PDE8B: variants seen among roughly 807,000 people sequenced by gnomAD.
PDE8B encodes the protein phosphodiesterase 8B.
In PDE8B, 26 loss-of-function variants were observed where a neutral mutation model predicts 101.3. That is an observed-to-expected ratio of 0.26 (90% CI 0.19 to 0.36). The LOEUF (loss-of-function observed/expected upper bound fraction) is 0.36, where lower values mean the gene tolerates loss of function less well. PDE8B is among the 10% of genes least tolerant of loss of function. PDE8B has a pLI of 1.00. For missense variants in PDE8B, 810 were observed against 1,163.1 expected, an observed-to-expected ratio of 0.70 and a Z score of 4.42; for synonymous variants, 424 against 429.3, an observed-to-expected ratio of 0.99 and a Z score of 0.15.
the PDE8B span, among the ~76,000 whole-genome samples, chr5:77,156,377 C>T: frequency 1.3e-5 from 2 of 152,292 alleles, no homozygotes; most frequent in African/African-American, 4.8e-5. Flanking sequence ...CTTGTTTATT[C>T]TTCAGTGCTG....
intron 10 of PDE8B, among the ~76,000 whole-genome samples, chr5:77,372,925 G>A (rs1040064047): frequency 6.6e-6 from 1 of 152,136 alleles, no homozygotes; most frequent in African/African-American, 2.4e-5. Context: ...CTACTCAAGA[G>A]GCTGAGGCAG....
intron 2 of PDE8B, among the ~76,000 whole-genome samples, chr5:77,323,959 C>CAAAA (rs1453943230): frequency 6.6e-6 from 1 of 151,976 alleles, no homozygotes; most frequent in Non-Finnish European, 1.5e-5. Context: ...GACTCCATCT[C>CAAAA]AAAAACAAAC....
intron 7 of PDE8B, among the ~76,000 whole-genome samples, chr5:77,348,969 G>A (rs543704844): frequency 6.6e-6 from 1 of 152,336 alleles, no homozygotes; most frequent in African/African-American, 2.4e-5. Context: ...TTACAGGCAT[G>A]AGCCACTGTG....
intron 3 of PDE8B, among the ~76,000 whole-genome samples, chr5:77,327,005 T>C (rs1463977123): frequency 6.6e-6 from 1 of 152,254 alleles, no homozygotes; most frequent in African/African-American, 2.4e-5. Flanking sequence ...AATATATTTC[T>C]GTGTTAGCTG....
At chr5:77,300,004 T>C (rs1347951712) in intron 1 of PDE8B, among the ~76,000 whole-genome samples, 2 of 152,144 alleles carry the variant, frequency 1.3e-5, no homozygotes, top group Non-Finnish European at 2.9e-5. Context: ...CAGTGCCTGA[T>C]CAAAGACACA....
In PDE8B at chr5:77,325,481, T is replaced by C. The variant is rs1283062392; in HGVS notation, c.400-58T>C. On this transcript the variant is annotated intron_variant, in intron 2 of 21. Coordinates refer to ENST00000264917, the MANE Select transcript of PDE8B (RefSeq NM_003719.5). ...ACTGCGCCTGGCCACTAGGCTTGTT[T>C]TTAATAGTCTCTATGGATGATGATT... is the stretch of plus-strand genomic sequence containing the variant. The C allele has an allele frequency of 2.6e-6, 4 of 1,533,498 alleles. No homozygotes were observed. In the Admixed American group the frequency reaches 6.7e-5, roughly 26 times the overall value. The allele number at this position is 1,533,498 out of a possible 1,614,324, so 95.0% of individuals were successfully genotyped here.
At chr5:77,154,230 A>G in the PDE8B span, among the ~76,000 whole-genome samples, 7 of 152,182 alleles carry the variant, frequency 4.6e-5, no homozygotes, top group African/African-American at 7.2e-5. Context: ...TGCTTTTCTC[A>G]TATGGCTGAT....
intron 1 of PDE8B, among the ~76,000 whole-genome samples, chr5:77,267,172 G>A (rs1411880298): frequency 2.0e-5 from 3 of 152,134 alleles, no homozygotes; most frequent in Non-Finnish European, 4.4e-5. Flanking sequence ...AGGCATGGTG[G>A]CTCACGCCTG....
At chr5:77,270,931 T>G (rs1762642002) in intron 1 of PDE8B, among the ~76,000 whole-genome samples, 1 of 152,094 alleles carries the variant, frequency 6.6e-6, no homozygotes, top group African/African-American at 2.4e-5. Context: ...CCCTTTCCAG[T>G]GTAGATCCTA....
intron 10 of PDE8B, among the ~76,000 whole-genome samples, chr5:77,362,241 G>T (rs1025248349): frequency 6.6e-6 from 1 of 152,130 alleles, no homozygotes; most frequent in African/African-American, 2.4e-5. Flanking sequence ...CTGATTGTTT[G>T]ATTTTCTGGA....
chr5:77,228,170 T>C (rs1486340332), intron 1 of PDE8B, among the ~76,000 whole-genome samples: 2 of 152,222 alleles, frequency 1.3e-5, no homozygotes, highest in Non-Finnish European at 2.9e-5. Context: ...CTTTAGCTCC[T>C]TGTTGACTGT....
intron 1 of PDE8B, among the ~76,000 whole-genome samples, chr5:77,260,157 C>CAAAAAAAAAAAA (rs66923234): frequency 2.0e-5 from 2 of 100,972 alleles, no homozygotes; most frequent in Non-Finnish European, 4.0e-5. Flanking sequence ...AACTCCATCA[C>CAAAAAAAAAAAA]AAAAAAAAAA....
At chr5:77,310,723 A>G (rs903662624) in intron 1 of PDE8B, among the ~76,000 whole-genome samples, 8 of 152,234 alleles carry the variant, frequency 5.3e-5, no homozygotes, top group Admixed American at 2.0e-4. Flanking sequence ...TCAGATGAGC[A>G]GTCATTAGAG....
the PDE8B span, among the ~76,000 whole-genome samples, chr5:77,183,311 G>A: frequency 6.6e-6 from 1 of 151,968 alleles, no homozygotes; most frequent in South Asian, 2.1e-4. Context: ...GTAGAGACAG[G>A]GTTTCACCAT....
At chr5:77,116,220 A>ATTT in the PDE8B span, among the ~76,000 whole-genome samples, 4 of 75,904 alleles carry the variant, frequency 5.3e-5, no homozygotes, top group African/African-American at 2.2e-4. Flanking sequence ...ATATATATAT[A>ATTT]TATATTTTTT....
chr5:77,299,001 A>G (rs1164204511), intron 1 of PDE8B, among the ~76,000 whole-genome samples: 2 of 152,350 alleles, frequency 1.3e-5, no homozygotes, highest in Admixed American at 6.5e-5. Context: ...TTAAATCACT[A>G]AACTTGTTTC....
chr5:77,335,668 C>T (rs537187088), intron 5 of PDE8B, among the ~76,000 whole-genome samples: 8 of 152,156 alleles, frequency 5.3e-5, no homozygotes, highest in African/African-American at 1.9e-4. Flanking sequence ...CTAGTATTCT[C>T]CTCCTCCACT....
intron 10 of PDE8B, among the ~76,000 whole-genome samples, chr5:77,389,778 A>AT (rs961563962): frequency 1.1e-4 from 16 of 151,720 alleles, no homozygotes; most frequent in Admixed American, 4.6e-4. Flanking sequence ...TCACTGTATC[A>AT]TTTTTTTTCC....
At chr5:77,147,069 A>G in the PDE8B span, 1 of 415,198 alleles carries the variant, frequency 2.4e-6, no homozygotes, top group Non-Finnish European at 4.6e-6. Flanking sequence ...AGCTAAAGGA[A>G]AGCCTGATGC....
Sources: gnomAD v4.1 joint callset for allele counts (sites outside exome capture counted in the v4.1 genomes callset) on GRCh38, gnomAD v4.1.1 for gene constraint, MANE v1.5 for transcripts, NCBI Gene and HGNC (gene_info 2026-07-23, HGNC 2026-07-21) for gene names.